The following KLHL25 variants were observed in gnomAD, a reference collection of about 807,000 sequenced individuals.
The protein encoded by KLHL25 is kelch-like protein 25.
A neutral mutation model predicts 30.0 loss-of-function variants in KLHL25; 41 were observed. That is an observed-to-expected ratio of 1.37 (90% confidence interval 1.07 to 1.78). The LOEUF is 1.78. Among genes scored for constraint, KLHL25 ranks in the 40% most tolerant of loss-of-function variants. KLHL25 has a pLI of 0.00. For synonymous variants in KLHL25, 399 were observed against 355.3 expected, an observed-to-expected ratio of 1.12 and a Z score of -1.38; for missense variants, 971 against 824.5, an observed-to-expected ratio of 1.18 and a Z score of -2.18.
chr15:85,770,137 CA>C lies in KLHL25; in HGVS notation c.-10-318del, dbSNP rs1407534145. ...TGCCTCCCATGGTTAAGAGAACATG[CA>C]AACGGTGTTCCTGACTGAGGCTGGT... On this transcript the variant is annotated intron_variant, in intron 1 of 2. Transcript: ENST00000337975. Among the ~76,000 whole-genome samples, 5 of 152,222 alleles carry C rather than the reference CA, an allele frequency of 3.3e-5. No individual in the cohort carries two copies. The East Asian group carries it at 9.6e-4, about 29-fold the overall frequency.
At chr15:85,766,593 G>A (rs1033059070) in intron 2 of KLHL25, among the ~76,000 whole-genome samples, 3 of 152,176 alleles carry the variant, frequency 2.0e-5, no homozygotes, top group African/African-American at 4.8e-5. Context: ...CACTCCTCCC[G>A]CCCGTTCCTT....
Position 85,789,457 on chromosome 15 carries a change from T to C in KLHL25, c.-11+5309A>G, listed in dbSNP as rs1895464838. Among the ~76,000 whole-genome samples, 1 of 152,048 alleles carries C rather than the reference T, an allele frequency of 6.6e-6. No homozygotes were observed. The highest frequency in any genetic ancestry group is 2.1e-4 in the South Asian group (1 of 4,826). On this transcript the variant is annotated intron_variant, in intron 1 of 2. Transcript: ENST00000337975. This position sits in a 1 kb window ranked among gnomAD's most constrained non-coding sequence, Gnocchi z 4.1. ...GTGCCATGGCGCGATCTCGGCTTAC[T>C]GCAACTTCTGCCTCCGGGGTTCAAG...
At position 85,768,177 on chromosome 15, in the gene KLHL25, C is replaced by G; in HGVS notation, c.1634G>C (p.Gly545Ala). ...ASGNKLYVVG[G>A]YFGTQRCKTL... ...CTTACACCTCTGGGTCCCAAAGTAG[C>G]CCCCGACCACATAGAGCTTGTTGCC... The change falls in exon 2 of 3, where the codon GGC (glycine) becomes GCC (alanine). Residue 545 changes from glycine to alanine, a missense_variant. Transcript: ENST00000337975. 1 of 1,614,222 alleles carries G rather than the reference C, an allele frequency of 6.2e-7. No individual in the cohort carries two copies. The highest frequency in any genetic ancestry group is 1.7e-5 in the Admixed American group (1 of 60,034).
At chr15:85,775,157 A>C (rs1008741018) in intron 1 of KLHL25, among the ~76,000 whole-genome samples, 2 of 152,186 alleles carry the variant, frequency 1.3e-5, no homozygotes, top group African/African-American at 4.8e-5. Context: ...GATTACAGGC[A>C]TGAGCCACTG....
rs1021532849 is a variant in KLHL25 at position 85,789,341 on chromosome 15, G to A, written c.-11+5425C>T. ...AGCCATCCAACTGGTCTTGCAGGCT[G>A]GTGCTCAGTCGCCTCCTCCTGCCCT... On this transcript the variant is annotated intron_variant, in intron 1 of 2. Transcript: ENST00000337975. The surrounding 1 kb of genome is among the most constrained non-coding windows in gnomAD (Gnocchi z 4.1). Among the ~76,000 whole-genome samples the A allele has an allele frequency of 6.6e-6, 1 of 151,976 alleles. No homozygotes were observed. Among genetic ancestry groups the A allele is most frequent in the Non-Finnish European group, 1.5e-5 (1 of 67,998 alleles).
chr15:85,774,359 T>C (rs2089696456), intron 1 of KLHL25, among the ~76,000 whole-genome samples: 1 of 152,180 alleles, frequency 6.6e-6, no homozygotes, highest in African/African-American at 2.4e-5. Flanking sequence ...TGGACATCGC[T>C]GCTCCCCAGG....
Position 85,769,113 on chromosome 15 carries a change from A to C in KLHL25, c.698T>G (p.Leu233Arg), listed in dbSNP as rs967381747. The change falls in exon 2 of 3, where the codon CTC (leucine) becomes CGC (arginine). Residue 233 changes from leucine (L) to arginine (R), a missense_variant. Transcript: ENST00000337975. ...EPRKVHLPEL[L>R]RSVRLALLPS... ...CAGCAAGGCCAGACGCACGCTGCGG[A>C]GGAGCTCGGGCAAGTGGACCTTCCG... is the stretch of plus-strand genomic sequence containing the variant. 29 of 1,607,114 alleles carry C rather than the reference A, an allele frequency of 1.8e-5. No individual in the cohort carries two copies. The highest frequency in any genetic ancestry group is 2.3e-5 in the Non-Finnish European group (27 of 1,175,356).
rs2089652130 is a variant in KLHL25, at chr15:85,769,361, C to T, written c.450G>A (p.Leu150=). The T allele has an allele frequency of 6.2e-7, 1 of 1,614,042 alleles. No individual in the cohort carries two copies. The highest frequency in any genetic ancestry group is 8.5e-7 in the Non-Finnish European group (1 of 1,180,036). The stretch of plus-strand genomic sequence containing the variant: ...GGGCGTCCGAGAGCAGCATCATGCC[C>T]AGGCAGTTGGAGGGGAAAAGGTTCT... The part of the protein sequence containing the change: ...LEKNLFPSNC[L]GMMLLSDAHQ... Residue 150 remains leucine, a synonymous_variant, in exon 2 of 3, where the codon CTG becomes CTA. Transcript: ENST00000337975.
intron 2 of KLHL25, chr15:85,761,617 CAT>C: frequency 6.8e-6 from 1 of 148,096 alleles, no homozygotes; most frequent in Non-Finnish European, 1.5e-5. Context: ...TGCAGCCTAT[CAT>C]GGGACTTCTC....
At chr15:85,766,876 G>A (rs1374157912) in intron 2 of KLHL25, among the ~76,000 whole-genome samples, 1 of 152,200 alleles carries the variant, frequency 6.6e-6, no homozygotes, top group Non-Finnish European at 1.5e-5. Context: ...GCCCCCAGGA[G>A]AAACAGGACT....
At position 85,769,783 on chromosome 15, in the gene KLHL25, T is replaced by C. The variant is rs766747832; in HGVS notation, c.28A>G (p.Lys10Glu). 1.2e-6 allele frequency: 2 copies of C among 1,611,386 alleles called. No homozygotes were observed. Among genetic ancestry groups the C allele is most frequent in the Non-Finnish European group, 1.7e-6 (2 of 1,179,522 alleles). MSVSVHETR[K>E]SRSSTGSMNV... Reference sequence around the variant, plus strand: ...ATGGACCCCGTGCTGCTCCGCGACTTGCGGGTCTCATGGACACTGACCGAC... The same window carrying C: ...ATGGACCCCGTGCTGCTCCGCGACTCGCGGGTCTCATGGACACTGACCGAC... The change falls in exon 2 of 3, where the codon AAG becomes GAG. Residue 10 changes from lysine to glutamate, a missense_variant. Transcript: ENST00000337975.
chr15:85,779,367 G>A (rs1321738142), intron 1 of KLHL25, among the ~76,000 whole-genome samples: 3 of 152,184 alleles, frequency 2.0e-5, no homozygotes, highest in Non-Finnish European at 4.4e-5. Flanking sequence ...GAGCAGGGAG[G>A]AGGCAGTGGA....
At chr15:85,773,575 CA>C (rs1326433959) in intron 1 of KLHL25, among the ~76,000 whole-genome samples, 2 of 152,196 alleles carry the variant, frequency 1.3e-5, no homozygotes, top group African/African-American at 4.8e-5. Flanking sequence ...CCCTGGGGAT[CA>C]GGTGGGGAGT....
chr15:85,784,315 G>A (rs188116497), intron 1 of KLHL25, among the ~76,000 whole-genome samples: 26 of 152,260 alleles, frequency 1.7e-4, no homozygotes, highest in Admixed American at 1.6e-3. Flanking sequence ...GATCACCGGA[G>A]GTCAGGAGTT....
At chr15:85,784,165 A>G (rs2089763853) in intron 1 of KLHL25, among the ~76,000 whole-genome samples, 1 of 152,248 alleles carries the variant, frequency 6.6e-6, no homozygotes, top group Admixed American at 6.5e-5. Flanking sequence ...TAATGGTGTT[A>G]CTGATCAATT....
rs2089841372 is a variant in KLHL25, at chr15:85,794,760, A to C, written c.-11+6T>G. The C allele has an allele frequency of 6.6e-6, 1 of 152,412 alleles. No individual in the cohort carries two copies. Among genetic ancestry groups the C allele is most frequent in the South Asian group, 2.0e-4 (1 of 5,116 alleles). 9.4% of individuals were successfully genotyped at this position (152,412 alleles called of 1,614,324 possible). On this transcript the variant is annotated splice_donor_region_variant and intron_variant, in intron 1 of 2. Transcript: ENST00000337975. ...CACGGCGTCCCCGCCCGGCCTGGATACTCACTGCCGGAGACGATCCCCGCC... is the reference window on the plus strand; with the variant it reads ...CACGGCGTCCCCGCCCGGCCTGGATCCTCACTGCCGGAGACGATCCCCGCC...
At chr15:85,784,712 G>A (rs893994230) in intron 1 of KLHL25, among the ~76,000 whole-genome samples, 1 of 152,026 alleles carries the variant, frequency 6.6e-6, no homozygotes, top group African/African-American at 2.4e-5. Flanking sequence ...TCAGTCCTAC[G>A]ACCATAAGGA....
chr15:85,794,118 C>CT (rs1180215145), intron 1 of KLHL25, among the ~76,000 whole-genome samples: 1 of 152,198 alleles, frequency 6.6e-6, no homozygotes, highest in Non-Finnish European at 1.5e-5. Context: ...TAGAGTCAGG[C>CT]TAGAGGGCTT....
At chr15:85,792,317 A>C (rs1287148323) in intron 1 of KLHL25, among the ~76,000 whole-genome samples, 1 of 152,206 alleles carries the variant, frequency 6.6e-6, no homozygotes, top group Non-Finnish European at 1.5e-5. Context: ...AAAATGCTTC[A>C]ACAGCCTTGG....
Sources: allele counts gnomAD v4.1 joint callset (sites outside exome capture counted in the v4.1 genomes callset), GRCh38; gene constraint gnomAD v4.1.1; non-coding constraint Gnocchi (gnomAD v3.1); transcripts MANE v1.5; gene names NCBI Gene and HGNC (gene_info 2026-07-23, HGNC 2026-07-21).